Variants in PCNX2 observed in about 807,000 individuals in gnomAD.
PCNX2 encodes pecanex 2, also known as pecanex-like protein 2.
PCNX2 carries 168 observed loss-of-function variants against 223.8 expected under a neutral mutation model. That is an observed-to-expected ratio of 0.75 (90% confidence interval 0.66 to 0.85). The LOEUF is 0.85. PCNX2 is among the 40% of genes least tolerant of loss of function. PCNX2 has a pLI of 0.00. For synonymous variants in PCNX2, 1,006 were observed against 1,052.6 expected (o/e 0.96, Z 0.86); for missense variants, 2,507 against 2,675.5 (o/e 0.94, Z 1.39).
intron 8 of PCNX2, among the ~76,000 whole-genome samples, chr1:233,249,388 C>T (rs1427308462): frequency 6.6e-6 from 1 of 152,246 alleles, no homozygotes; most frequent in Non-Finnish European, 1.5e-5. Context: ...AAGCTGCGTT[C>T]TCATGCAATT....
At chr1:233,161,435 AAGC>A in intron 17 of PCNX2, 72 bp from the exon 18 acceptor site, 1 of 1,305,122 alleles carries the variant, frequency 7.7e-7, no homozygotes, top group South Asian at 1.2e-5. Flanking sequence ...CAGGTAAATC[AAGC>A]AGCAGGACAT....
chr1:233,226,646 G>A (rs1381435195), intron 10 of PCNX2, among the ~76,000 whole-genome samples: 1 of 152,116 alleles, frequency 6.6e-6, no homozygotes, highest in East Asian at 1.9e-4. Context: ...ACCCCACAAC[G>A]TTTTGCTGTA....
chr1:233,239,423 AAAT>A (rs527758414), intron 8 of PCNX2, among the ~76,000 whole-genome samples: 4 of 152,102 alleles, frequency 2.6e-5, no homozygotes, highest in Non-Finnish European at 4.4e-5. Flanking sequence ...TCAGATTGTA[AAAT>A]AATAATAATA....
At chr1:233,058,136 T>C in intron 23 of PCNX2, 1 of 838,578 alleles carries the variant, frequency 1.2e-6, no homozygotes, top group Non-Finnish European at 1.4e-6. Flanking sequence ...CACCCCTCAG[T>C]GCACAGCTTT....
At chr1:232,993,113 A>G (rs1246512066) in intron 32 of PCNX2, among the ~76,000 whole-genome samples, 2 of 152,244 alleles carry the variant, frequency 1.3e-5, no homozygotes, top group African/African-American at 4.8e-5. Flanking sequence ...ACTGGGTAAT[A>G]GGCAGAGATT....
chr1:233,146,807 G>C (rs10797603), intron 19 of PCNX2, among the ~76,000 whole-genome samples: 24,640 of 152,150 alleles, frequency 0.16, 2,000 homozygotes, highest in East Asian at 0.24. Context: ...GTAAGAACTA[G>C]ATTTTCAAAA....
At chr1:233,298,378 T>C (rs1294483494), upstream of PCNX2, among the ~76,000 whole-genome samples, 3 of 152,218 alleles carry the variant, frequency 2.0e-5, no homozygotes, top group Admixed American at 6.5e-5. Flanking sequence ...TAATGTGACA[T>C]AGCCTCAGCC....
intron 32 of PCNX2, among the ~76,000 whole-genome samples, chr1:232,987,658 G>A (rs1035895006): frequency 3.3e-5 from 5 of 152,112 alleles, no homozygotes; most frequent in Non-Finnish European, 7.4e-5. Context: ...ATTGTGAAGC[G>A]GGCGTGGCTG....
intron 22 of PCNX2, among the ~76,000 whole-genome samples, chr1:233,093,726 G>A (rs143321855): frequency 3.3e-5 from 5 of 152,254 alleles, no homozygotes; most frequent in African/African-American, 1.2e-4. Flanking sequence ...TCAATTTGAA[G>A]GCTCTGTATC....
intron 25 of PCNX2, among the ~76,000 whole-genome samples, chr1:233,045,615 T>C (rs1671798116): frequency 6.6e-6 from 1 of 152,248 alleles, no homozygotes; most frequent in South Asian, 2.1e-4. Context: ...TCAGACACTT[T>C]CTTTCCCAGG....
At chr1:233,244,969 T>G (rs1000100157) in intron 8 of PCNX2, among the ~76,000 whole-genome samples, 1 of 152,214 alleles carries the variant, frequency 6.6e-6, no homozygotes, top group Admixed American at 6.5e-5. Flanking sequence ...GTTTTGATAA[T>G]CCCACATTCA....
At chr1:233,243,721 C>G (rs1029643782) in intron 8 of PCNX2, among the ~76,000 whole-genome samples, 3 of 152,210 alleles carry the variant, frequency 2.0e-5, no homozygotes, top group African/African-American at 7.2e-5. Context: ...GTGCAGTTTA[C>G]CTGAAGTCCT....
rs1384673096 is a variant in PCNX2, at chr1:233,087,022, A to G, written c.4076+3039T>C. The G allele has an allele frequency of 5.1e-6, 5 of 985,182 alleles. No homozygotes were observed. In the Admixed American group the frequency reaches 3.1e-4, roughly 61 times the overall value. 61.0% of individuals were successfully genotyped at this position (985,182 alleles called of 1,614,324 possible). On this transcript the variant is annotated intron_variant, in intron 23 of 33. Transcript: ENST00000258229. ...AAGGCAGACAGGGGACACATTTGTC[A>G]TATGCCCTAGTGAGGCACAGAATCA...
At chr1:233,100,785 T>A (rs1558231173) in intron 21 of PCNX2, among the ~76,000 whole-genome samples, 2 of 152,194 alleles carry the variant, frequency 1.3e-5, no homozygotes, top group African/African-American at 4.8e-5. Context: ...TCCATTTGAT[T>A]AAAGTGCAAT....
intron 23 of PCNX2, among the ~76,000 whole-genome samples, chr1:233,075,910 G>A (rs1673077703): frequency 6.6e-6 from 1 of 152,122 alleles, no homozygotes; most frequent in South Asian, 2.1e-4. Flanking sequence ...TACAGAATAT[G>A]AACTTCAACT....
intron 15 of PCNX2, chr1:233,180,893 C>G (rs1397523411): frequency 1.3e-5 from 2 of 152,288 alleles, no homozygotes; most frequent in African/African-American, 4.8e-5. Flanking sequence ...CTCAGATCAG[C>G]TTCCCCGAGG....
chr1:233,214,796 T>A (rs1682023186), intron 12 of PCNX2, among the ~76,000 whole-genome samples: 4 of 152,206 alleles, frequency 2.6e-5, no homozygotes, highest in Admixed American at 2.6e-4. Flanking sequence ...AGAATCAAAC[T>A]AATTTCTTTT....
At chr1:233,002,281 A>G (rs772884765) in intron 28 of PCNX2, among the ~76,000 whole-genome samples, 2 of 152,096 alleles carry the variant, frequency 1.3e-5, no homozygotes, top group Non-Finnish European at 2.9e-5. Context: ...GAGGCTTAAG[A>G]GGAAAGATTA....
Position 233,054,121 on chromosome 1 carries a change from T to TTA in PCNX2, c.4351+145_4351+146dup, listed in dbSNP as rs369318742. The TTA allele has an allele frequency of 8.3e-4, 552 of 668,140 alleles. 5 individuals are homozygous for TTA. The African/African-American group carries it at 8.9e-3, about 11-fold the overall frequency. The allele number at this position is 668,140 out of a possible 1,614,324, so 41.4% of individuals were successfully genotyped here. On this transcript the variant is annotated intron_variant, in intron 25 of 33. Coordinates refer to ENST00000258229, the MANE Select transcript of PCNX2 (RefSeq NM_014801.4). ...ATTCCTTCAGATGACTGTAGTTTAT[T>TTA]TATATCAAGGTAGTGGTGGCAAGCT...
Sources: allele counts gnomAD v4.1 joint callset (sites outside exome capture counted in the v4.1 genomes callset), GRCh38; gene constraint gnomAD v4.1.1; transcripts MANE v1.5; gene names NCBI Gene and HGNC (gene_info 2026-07-23, HGNC 2026-07-21).